Variants in FOLH1 observed in about 807,000 individuals in gnomAD.
The protein encoded by FOLH1 is folate hydrolase 1.
Under a neutral mutation model 93.9 loss-of-function variants are expected in FOLH1, and 54 were observed. The observed-to-expected ratio is 0.57, with a 90% CI of 0.46 to 0.72. FOLH1 has a LOEUF of 0.72. Among genes scored for constraint, FOLH1 ranks in the 30% least tolerant of loss-of-function variants. FOLH1 has a pLI of 0.00. For missense variants in FOLH1, 571 were observed against 892.5 expected, an observed-to-expected ratio of 0.64 and a Z score of 4.59; for synonymous variants, 249 against 303.6, an observed-to-expected ratio of 0.82 and a Z score of 1.87.
intron 12 of FOLH1, among the ~76,000 whole-genome samples, chr11:49,165,346 T>G (rs114348330): frequency 1.8e-3 from 273 of 152,292 alleles, no homozygotes; most frequent in African/African-American, 6.0e-3. Context: ...TTTAGAACAA[T>G]CCTAGAATCT....
chr11:49,171,300 A>G, intron 10 of FOLH1, 23 bp from the exon 11 acceptor site: 1 of 1,535,052 alleles, frequency 6.5e-7, no homozygotes, highest in South Asian at 1.3e-5. Context: ...TGTATATATA[A>G]ATGATAGAAA....
At chr11:49,149,422 T>C (rs561839260) in intron 17 of FOLH1, among the ~76,000 whole-genome samples, 2 of 152,266 alleles carry the variant, frequency 1.3e-5, no homozygotes, top group South Asian at 4.1e-4. Context: ...TTGGGTTAGC[T>C]GCCCCCAGTA....
At chr11:49,205,161 G>A (rs1376525680) in intron 2 of FOLH1, among the ~76,000 whole-genome samples, 2 of 151,842 alleles carry the variant, frequency 1.3e-5, no homozygotes, top group East Asian at 1.9e-4. Flanking sequence ...CTGAGATCAC[G>A]CCATTGCACT....
rs1452754105 is a variant in FOLH1, at chr11:49,185,866, C to T, written c.640-11G>A. On this transcript the variant is annotated splice_polypyrimidine_tract_variant and intron_variant, in intron 5 of 18. Coordinates refer to ENST00000256999, the MANE Select transcript of FOLH1 (RefSeq NM_004476.3). ...CTGGGCATTTTTAACCTAGAAAACA[C>T]AGTGTCTTTCTTTCCTTATTTTAAA... 2 of 1,517,046 alleles carry T rather than the reference C, an allele frequency of 1.3e-6. No homozygotes were observed. Among genetic ancestry groups the T allele is most frequent in the Non-Finnish European group, 8.8e-7 (1 of 1,138,086 alleles). 94.0% of individuals were successfully genotyped at this position (1,517,046 alleles called of 1,614,324 possible).
At chr11:49,180,737 A>G (rs1482314910) in intron 7 of FOLH1, among the ~76,000 whole-genome samples, 2 of 152,180 alleles carry the variant, frequency 1.3e-5, no homozygotes, top group African/African-American at 4.8e-5. Context: ...TCTTTTAAAC[A>G]ATTTTTTAAA....
Position 49,164,768 on chromosome 11 carries a change from G to A in FOLH1, c.1377C>T (p.Asn459=), listed in dbSNP as rs201724751. 1 of 1,597,348 alleles carries A rather than the reference G, an allele frequency of 6.3e-7. No homozygotes were observed. Among genetic ancestry groups the A allele is most frequent in the South Asian group, 1.1e-5 (1 of 88,810 alleles). The change falls in exon 13 of 19, where the codon AAC becomes AAT. Residue 459 remains asparagine, a synonymous_variant. Transcript: ENST00000256999. ...GTGTACAATCAACTCTCAGAGTGTA[G>A]TTTCCTGAAAAATAAGAAAAGAATA... is the stretch of plus-strand genomic sequence containing the variant. The part of the protein sequence containing the change: ...YINADSSIEG[N]YTLRVDCTPL...
At chr11:49,171,521 C>T (rs1325569311) in intron 10 of FOLH1, among the ~76,000 whole-genome samples, 1 of 151,982 alleles carries the variant, frequency 6.6e-6, no homozygotes, top group Non-Finnish European at 1.5e-5. Context: ...GATCATAAAA[C>T]ATTCTAATAG....
intron 17 of FOLH1, among the ~76,000 whole-genome samples, chr11:49,151,876 T>G (rs556764299): frequency 6.6e-6 from 1 of 152,126 alleles, no homozygotes; most frequent in Non-Finnish European, 1.5e-5. Flanking sequence ...TAAAATGTAT[T>G]TCTTATTGTT....
In FOLH1 at chr11:49,188,217, G is replaced by A. The variant is rs1861632164; in HGVS notation, c.514-1448C>T. Reference sequence around the variant, plus strand: ...ATTGTGTTAAGAAACAGCTTCAAGAGTAAGTTATAATTATAGGCCAGGCAT... The same window carrying A: ...ATTGTGTTAAGAAACAGCTTCAAGAATAAGTTATAATTATAGGCCAGGCAT... On this transcript the variant is annotated intron_variant, in intron 4 of 18. Transcript: ENST00000256999. Among the ~76,000 whole-genome samples the A allele has an allele frequency of 5.3e-5, 8 of 152,170 alleles. No individual in the cohort carries two copies. The South Asian group carries it at 1.7e-3, about 32-fold the overall frequency.
intron 13 of FOLH1, among the ~76,000 whole-genome samples, chr11:49,158,917 G>T (rs1044411303): frequency 2.0e-5 from 3 of 152,094 alleles, no homozygotes; most frequent in Non-Finnish European, 4.4e-5. Context: ...GGTAATTTGT[G>T]ACTTGGCTCT....
intron 4 of FOLH1, among the ~76,000 whole-genome samples, chr11:49,191,158 C>T (rs372896673): frequency 6.6e-6 from 1 of 151,990 alleles, no homozygotes; most frequent in Middle Eastern, 3.4e-3. Context: ...ACTACAGGCG[C>T]CCGCCACCAC....
chr11:49,181,399 C>A (rs1324522312), intron 7 of FOLH1, among the ~76,000 whole-genome samples: 1 of 151,898 alleles, frequency 6.6e-6, no homozygotes, highest in Admixed American at 6.6e-5. Context: ...TGTGAGCCAC[C>A]GCGCCCAGCC....
At chr11:49,164,586 T>C (rs1352642176) in intron 13 of FOLH1, 119 bp downstream of exon 13, 1 of 672,438 alleles carries the variant, frequency 1.5e-6, no homozygotes, top group Non-Finnish European at 2.7e-6. Flanking sequence ...TGTGATGTCA[T>C]ATATGTTATA....
chr11:49,166,955 G>A (rs1189035416), intron 12 of FOLH1, among the ~76,000 whole-genome samples: 1 of 151,980 alleles, frequency 6.6e-6, no homozygotes, highest in African/African-American at 2.4e-5. Context: ...AGGCTGACGG[G>A]GGAGGATCAG....
chr11:49,173,084 C>T (rs1319378998), intron 10 of FOLH1, among the ~76,000 whole-genome samples: 3 of 152,164 alleles, frequency 2.0e-5, no homozygotes, highest in Non-Finnish European at 4.4e-5. Context: ...TGTAACCCAT[C>T]TTCATCTTCT....
At chr11:49,148,910 C>T (rs1479858966) in intron 17 of FOLH1, among the ~76,000 whole-genome samples, 179 bp from the exon 18 acceptor site, 2 of 152,150 alleles carry the variant, frequency 1.3e-5, no homozygotes, top group African/African-American at 4.8e-5. Context: ...TGTGAAAAGT[C>T]GGCCCTCCTC....
chr11:49,177,438 T>C (rs1012979473), intron 7 of FOLH1, among the ~76,000 whole-genome samples: 1 of 152,050 alleles, frequency 6.6e-6, no homozygotes, highest in African/African-American at 2.4e-5. Flanking sequence ...TACATATACT[T>C]AATTATACAT....
rs1590727741 is a variant in FOLH1 at position 49,208,436 on chromosome 11, G to A, written c.-27C>T. The A allele has an allele frequency of 2.0e-6, 3 of 1,528,676 alleles. No individual in the cohort carries two copies. Among genetic ancestry groups the A allele is most frequent in the South Asian group, 1.2e-5 (1 of 84,480 alleles). The allele number at this position is 1,528,676 out of a possible 1,614,324, so 94.7% of individuals were successfully genotyped here. ...TCGGCGCGAGCAGAGCCGGCCTCCC[G>A]GGACCCGCGCCTGTGCTGCTGCTCT... On this transcript the variant is annotated 5_prime_UTR_variant, in exon 1 of 19. Transcript: ENST00000256999.
At position 49,206,539 on chromosome 11, in the gene FOLH1, C is replaced by A. The variant is rs575423497; in HGVS notation, c.119-367G>T. Among the ~76,000 whole-genome samples the A allele has an allele frequency of 1.3e-4, 20 of 152,330 alleles. No homozygotes were observed. The South Asian group carries it at 4.1e-3, about 32-fold the overall frequency. ...AGGCAAAAAGGAGATCCACCTTCTA[C>A]TTTCATAAAGTTTCTATCTTCCTCT... is the stretch of plus-strand genomic sequence containing the variant. On this transcript the variant is annotated intron_variant, in intron 1 of 18. Transcript: ENST00000256999.
Sources: allele counts gnomAD v4.1 joint callset (sites outside exome capture counted in the v4.1 genomes callset), GRCh38; gene constraint gnomAD v4.1.1; transcripts MANE v1.5; gene names NCBI Gene and HGNC (gene_info 2026-07-23, HGNC 2026-07-21).